RBFOX3: variants seen among roughly 807,000 people sequenced by gnomAD.
RBFOX3 encodes the protein RNA binding fox-1 homolog 3.
Under a neutral mutation model 48.7 loss-of-function variants are expected in RBFOX3, and 17 were observed. That is an observed-to-expected ratio of 0.35 (90% CI 0.24 to 0.52). The LOEUF (loss-of-function observed/expected upper bound fraction) is 0.52, where lower values mean the gene tolerates loss of function less well. Ranked by LOEUF, RBFOX3 falls within the 20% of genes least tolerant of loss-of-function variation. RBFOX3 has a pLI of 0.94. For missense variants in RBFOX3, 382 were observed against 497.5 expected (o/e 0.77, Z 2.21); for synonymous variants, 212 against 209.5 (o/e 1.01, Z -0.10).
chr17:79,287,420 G>A (rs982847738), intron 3 of RBFOX3, among the ~76,000 whole-genome samples: 2 of 152,178 alleles, frequency 1.3e-5, no homozygotes, highest in Non-Finnish European at 2.9e-5. Flanking sequence ...TGCATTGAGT[G>A]GGGGGTAGAG....
intron 1 of RBFOX3, among the ~76,000 whole-genome samples, chr17:79,534,011 C>A (rs183638151): frequency 2.1e-3 from 319 of 152,326 alleles, no homozygotes; most frequent in Admixed American, 4.0e-3. Context: ...CATACCAAAT[C>A]ATTAACTATT....
intron 4 of RBFOX3, 130 bp from the exon 5 acceptor site, chr17:79,115,878 A>AG (rs1363693481): frequency 7.5e-6 from 4 of 530,712 alleles, no homozygotes; most frequent in East Asian, 6.8e-5. Context: ...GGCCCCTCCA[A>AG]GGGGGGCTCG....
intron 2 of RBFOX3, among the ~76,000 whole-genome samples, chr17:79,327,138 C>A (rs549813598): frequency 1.3e-5 from 2 of 152,220 alleles, no homozygotes; most frequent in Non-Finnish European, 1.5e-5. Flanking sequence ...GGGTACCCCC[C>A]ACACCTTCCC....
chr17:79,611,643 A>G (rs1027223487), upstream of RBFOX3, among the ~76,000 whole-genome samples: 6 of 152,088 alleles, frequency 3.9e-5, no homozygotes, highest in Non-Finnish European at 5.9e-5. Context: ...ATCCCCAGCA[A>G]TGGGACGTGG....
At chr17:79,115,169 G>C (rs1445083604) in intron 5 of RBFOX3, among the ~76,000 whole-genome samples, 1 of 152,222 alleles carries the variant, frequency 6.6e-6, no homozygotes, top group African/African-American at 2.4e-5. Flanking sequence ...TGGGGTGAGT[G>C]TTTGCTCGAA....
chr17:79,440,817 C>T (rs1036674437), intron 2 of RBFOX3, among the ~76,000 whole-genome samples: 1 of 152,204 alleles, frequency 6.6e-6, no homozygotes, highest in African/African-American at 2.4e-5. Context: ...CATCCACACC[C>T]CTGCTCCTGA....
chr17:79,251,025 T>A (rs1168018629), intron 3 of RBFOX3, among the ~76,000 whole-genome samples: 1 of 152,044 alleles, frequency 6.6e-6, no homozygotes, highest in Non-Finnish European at 1.5e-5. Context: ...GCCCGGCTGG[T>A]GTCCCAACCT....
chr17:79,168,197 G>T (rs946894901), intron 4 of RBFOX3, among the ~76,000 whole-genome samples: 5 of 152,192 alleles, frequency 3.3e-5, no homozygotes, highest in Non-Finnish European at 7.3e-5. Flanking sequence ...CCCCTGACCG[G>T]CAGGGCCCTA....
chr17:79,139,365 T>C (rs76539504), intron 4 of RBFOX3, among the ~76,000 whole-genome samples: 1 of 152,162 alleles, frequency 6.6e-6, no homozygotes, highest in African/African-American at 2.4e-5. Flanking sequence ...GGTCCACCTG[T>C]CATCCAGATG....
At chr17:79,527,731 C>T (rs2086989146) in intron 1 of RBFOX3, among the ~76,000 whole-genome samples, 1 of 152,218 alleles carries the variant, frequency 6.6e-6, no homozygotes, top group South Asian at 2.1e-4. Flanking sequence ...GTACAGGCAG[C>T]AGATGATGCA....
the RBFOX3 span, among the ~76,000 whole-genome samples, chr17:79,622,519 A>G: frequency 6.6e-6 from 1 of 152,164 alleles, no homozygotes; most frequent in Non-Finnish European, 1.5e-5. Flanking sequence ...GGATGTAAAC[A>G]TTCATTCTCC....
At chr17:79,645,136 C>G in the RBFOX3 span, among the ~76,000 whole-genome samples, 1 of 152,214 alleles carries the variant, frequency 6.6e-6, no homozygotes, top group South Asian at 2.1e-4. Flanking sequence ...CCTTACCGCT[C>G]ACCTGGGCCA....
chr17:79,139,448 G>A (rs183557508), intron 4 of RBFOX3, among the ~76,000 whole-genome samples: 58 of 152,350 alleles, frequency 3.8e-4, no homozygotes, highest in African/African-American at 1.3e-3. Flanking sequence ...TGGGCTCCAG[G>A]GCCTGGAAGG....
At chr17:79,138,798 T>TC (rs2041110585) in intron 4 of RBFOX3, among the ~76,000 whole-genome samples, 1 of 21,236 alleles carries the variant, frequency 4.7e-5, no homozygotes, top group Non-Finnish European at 9.2e-5. Flanking sequence ...CACGCCCCCT[T>TC]ACCCACACAC....
rs372242815 is a variant in RBFOX3, at chr17:79,244,789, C to T, written c.-73-8984G>A. Among the ~76,000 whole-genome samples the T allele has an allele frequency of 1.3e-4, 19 of 144,712 alleles. 1 individual carries two copies. In the East Asian group the frequency reaches 1.4e-3, roughly 11 times the overall value. The allele number at this position is 144,712 out of a possible 152,430, so 94.9% of individuals were successfully genotyped here. A position where few individuals can be genotyped will look rare whatever the true frequency, so the allele number is the denominator to read the frequency against. The stretch of plus-strand genomic sequence containing the variant: ...TTCCTTCCTTCCTTTATTCTCCTTC[C>T]TTCCTTCCTTCCCCCTCTCCTTTAT... On this transcript the variant is annotated intron_variant, in intron 3 of 14. Coordinates refer to ENST00000693108, the MANE Select transcript of RBFOX3 (RefSeq NM_001350451.2).
chr17:79,185,854 G>A (rs148294142), intron 4 of RBFOX3, among the ~76,000 whole-genome samples: 20 of 152,234 alleles, frequency 1.3e-4, no homozygotes, highest in Admixed American at 1.2e-3. Flanking sequence ...CAGTGTGCTC[G>A]GTGCTGGGGC....
At chr17:79,338,190 T>C (rs2081492915) in intron 2 of RBFOX3, among the ~76,000 whole-genome samples, 2 of 152,116 alleles carry the variant, frequency 1.3e-5, no homozygotes, top group Non-Finnish European at 2.9e-5. Context: ...CCACCCACCT[T>C]AGCCTCCCAA....
At chr17:79,181,136 G>A (rs950174035) in intron 4 of RBFOX3, among the ~76,000 whole-genome samples, 5 of 152,236 alleles carry the variant, frequency 3.3e-5, no homozygotes, top group African/African-American at 1.2e-4. Flanking sequence ...CATTCAGCCA[G>A]TGAGGACTAT....
chr17:79,611,183 T>TC (rs2093965331), upstream of RBFOX3, among the ~76,000 whole-genome samples: 26 of 41,466 alleles, frequency 6.3e-4, no homozygotes, highest in African/African-American at 2.3e-3. Context: ...TCCGCCCTCC[T>TC]TCTCTCTCTC....
Sources: gnomAD v4.1 joint callset for allele counts (sites outside exome capture counted in the v4.1 genomes callset) on GRCh38, gnomAD v4.1.1 for gene constraint, MANE v1.5 for transcripts, NCBI Gene and HGNC (gene_info 2026-07-23, HGNC 2026-07-21) for gene names.